Variants in N4BP2L2 observed in about 807,000 individuals in gnomAD.
N4BP2L2 encodes the protein NEDD4-binding protein 2-like 2.
In N4BP2L2, 50 loss-of-function variants were observed where a neutral mutation model predicts 56.2. That is an observed-to-expected ratio of 0.89 (90% CI 0.71 to 1.13). N4BP2L2 has a LOEUF of 1.13. N4BP2L2 is among the 50% of genes most tolerant of loss of function. The pLI is 0.00. For synonymous variants in N4BP2L2, 203 were observed against 223.6 expected (o/e 0.91, Z 0.82); for missense variants, 689 against 693.8 (o/e 0.99, Z 0.08).
chr13:32,536,595 C>A, exon 2 of N4BP2L2: 2 of 1,613,874 alleles, frequency 1.2e-6, no homozygotes, highest in Non-Finnish European at 1.7e-6. Context: ...CCATTTAGAA[C>A]ATGTGCCTCA....
At chr13:32,534,163 G>A (rs977374221) in intron 2 of N4BP2L2, among the ~76,000 whole-genome samples, 19 of 152,206 alleles carry the variant, frequency 1.2e-4, no homozygotes, top group African/African-American at 4.3e-4. Flanking sequence ...TGTAAATTGT[G>A]AATCATAATA....
exon 6 of N4BP2L2, chr13:32,517,536 C>T (rs944464124): frequency 8.6e-7 from 1 of 1,166,612 alleles, no homozygotes; most frequent in Admixed American, 4.3e-5. Flanking sequence ...GAAAAACATC[C>T]TAGCTCCTAC....
intron 4 of N4BP2L2, chr13:32,521,682 A>T: frequency 2.4e-6 from 1 of 416,758 alleles, no homozygotes; most frequent in Non-Finnish European, 4.2e-6. Flanking sequence ...AAGGAAAGTC[A>T]AAACAATATG....
chr13:32,438,926 T>C (rs1371780142), intron 7 of N4BP2L2, among the ~76,000 whole-genome samples: 1 of 152,238 alleles, frequency 6.6e-6, no homozygotes, highest in East Asian at 1.9e-4. Flanking sequence ...CAGACTCCAA[T>C]ACTAGGATTC....
chr13:32,537,154 C>A, intron 1 of N4BP2L2, 127 bp from the exon 2 acceptor site: 1 of 641,234 alleles, frequency 1.6e-6, no homozygotes, highest in Non-Finnish European at 2.4e-6. Flanking sequence ...AACAATTTCC[C>A]AAAATACCAG....
At chr13:32,513,729 A>G (rs1260573497) in exon 6 of N4BP2L2, 2 of 152,184 alleles carry the variant, frequency 1.3e-5, no homozygotes, top group Non-Finnish European at 2.9e-5. Flanking sequence ...GTTATAAAAC[A>G]CTGTTCAATG....
intron 6 of N4BP2L2, among the ~76,000 whole-genome samples, chr13:32,454,202 T>G (rs1177883012): frequency 6.6e-6 from 1 of 152,152 alleles, no homozygotes; most frequent in Non-Finnish European, 1.5e-5. Context: ...ACAGCCTTAG[T>G]GTAGAAGGTA....
At chr13:32,517,532 CAT>C in exon 6 of N4BP2L2, 1 of 1,141,930 alleles carries the variant, frequency 8.8e-7, no homozygotes, top group East Asian at 5.0e-5. Context: ...TGTAGAAAAA[CAT>C]CCTAGCTCCT....
exon 6 of N4BP2L2, chr13:32,511,607 G>C (rs2048148281): frequency 6.6e-6 from 1 of 152,146 alleles, no homozygotes; most frequent in Non-Finnish European, 1.5e-5. Context: ...TAAATGCAGA[G>C]CTGTGGTGTA....
At chr13:32,445,056 C>G (rs2138336959) in intron 6 of N4BP2L2, among the ~76,000 whole-genome samples, 1 of 152,276 alleles carries the variant, frequency 6.6e-6, no homozygotes, top group South Asian at 2.1e-4. Flanking sequence ...CGAGACCAAC[C>G]TGGCCAACGT....
chr13:32,496,750 C>G (rs567440164), intron 6 of N4BP2L2, among the ~76,000 whole-genome samples: 29 of 152,320 alleles, frequency 1.9e-4, no homozygotes, highest in African/African-American at 7.0e-4. Context: ...TCTACCACAT[C>G]CAGCAGGCAC....
chr13:32,476,984 T>C (rs879177052), intron 6 of N4BP2L2, among the ~76,000 whole-genome samples: 2 of 152,264 alleles, frequency 1.3e-5, no homozygotes, highest in Admixed American at 1.3e-4. Flanking sequence ...TGATGCTACT[T>C]GAAGGAAATT....
At chr13:32,536,721 G>T (rs771005736) in exon 2 of N4BP2L2, 1 of 1,614,114 alleles carries the variant, frequency 6.2e-7, no homozygotes. Context: ...CGTGCTTCCT[G>T]TAAAACCTGT....
At chr13:32,517,472 A>G (rs996141362) in exon 6 of N4BP2L2, 9 of 1,019,734 alleles carry the variant, frequency 8.8e-6, no homozygotes, top group Non-Finnish European at 1.1e-5. Context: ...AACTATTAAA[A>G]AACTGTTCAA....
exon 2 of N4BP2L2, chr13:32,536,525 A>G: frequency 3.1e-6 from 5 of 1,613,860 alleles, no homozygotes; most frequent in South Asian, 2.2e-5. Context: ...TTCATTGTCA[A>G]TCTCTGATTT....
chr13:32,535,932 A>G (rs2140342249), exon 2 of N4BP2L2: 1 of 1,614,126 alleles, frequency 6.2e-7, no homozygotes, highest in Non-Finnish European at 8.5e-7. Flanking sequence ...CTGACTTCAC[A>G]GAAACCATTA....
chr13:32,535,825 C>T (rs1174483220), exon 2 of N4BP2L2: 2 of 1,614,130 alleles, frequency 1.2e-6, no homozygotes, highest in East Asian at 2.2e-5. Flanking sequence ...TAAGTAACTT[C>T]TGCAATTTAT....
intron 6 of N4BP2L2, among the ~76,000 whole-genome samples, chr13:32,448,797 T>C (rs1054579974): frequency 2.0e-5 from 3 of 152,154 alleles, no homozygotes; most frequent in South Asian, 4.1e-4. Context: ...GGGCAATAAA[T>C]GAAGTAAATC....
At position 32,522,376 on chromosome 13, in the gene N4BP2L2, CAAA is replaced by C. The variant is rs1279492074; in HGVS notation, c.1385-109_1385-107del. On this transcript the variant is annotated intron_variant, in intron 3 of 5. Coordinates refer to ENST00000267068, the Ensembl canonical transcript of N4BP2L2. Reference sequence around the variant, plus strand: ...TGTACTACGTCTCTGTACTTAAAACCAAAACTGTGCAATCTCTTCAGTCAGTAT... The same window carrying C: ...TGTACTACGTCTCTGTACTTAAAACCACTGTGCAATCTCTTCAGTCAGTAT... 4 of 608,566 alleles carry C rather than the reference CAAA, an allele frequency of 6.6e-6. No individual in the cohort carries two copies. In the East Asian group the frequency reaches 1.3e-4, roughly 20 times the overall value. The allele number at this position is 608,566 out of a possible 1,614,324, so 37.7% of individuals were successfully genotyped here.
Sources: gnomAD v4.1 joint callset for allele counts (sites outside exome capture counted in the v4.1 genomes callset) on GRCh38, gnomAD v4.1.1 for gene constraint, MANE v1.5 for transcripts, NCBI Gene and HGNC (gene_info 2026-07-23, HGNC 2026-07-21) for gene names.